The following SV2C variants were observed in gnomAD, a reference collection of about 807,000 sequenced individuals.
SV2C encodes the protein synaptic vesicle glycoprotein 2C, also known as solute carrier family 22 member B3.
A neutral mutation model predicts 79.7 loss-of-function variants in SV2C; 49 were observed. The ratio of observed to expected loss-of-function variants is 0.61; its 90% CI spans 0.49 to 0.78. The LOEUF is 0.78. SV2C is among the 30% of genes least tolerant of loss of function. SV2C has a pLI of 0.00. For missense variants in SV2C, 833 were observed against 912.9 expected, an observed-to-expected ratio of 0.91 and a Z score of 1.13; for synonymous variants, 334 against 333.2, an observed-to-expected ratio of 1.00 and a Z score of -0.03.
chr5:75,958,398 G>A, the SV2C span, among the ~76,000 whole-genome samples: 1 of 151,934 alleles, frequency 6.6e-6, no homozygotes, highest in Non-Finnish European at 1.5e-5. Flanking sequence ...TTCCCTAAAT[G>A]TGGGGGAACC....
At chr5:75,981,333 C>A in the SV2C span, among the ~76,000 whole-genome samples, 1 of 152,178 alleles carries the variant, frequency 6.6e-6, no homozygotes, top group Admixed American at 6.5e-5. Context: ...CATTAAACTA[C>A]CATTGCCATT....
intron 1 of SV2C, among the ~76,000 whole-genome samples, chr5:76,117,551 A>G (rs1748312508): frequency 1.3e-5 from 2 of 152,204 alleles, no homozygotes; most frequent in African/African-American, 4.8e-5. Context: ...GGATACATGC[A>G]CTGAGATTAA....
chr5:76,352,560 T>C (rs139459331), intron 12 of SV2C, among the ~76,000 whole-genome samples: 63 of 152,332 alleles, frequency 4.1e-4, no homozygotes, highest in African/African-American at 1.3e-3. Context: ...CACCATGAAA[T>C]GATGAAGCAA....
At chr5:76,066,655 C>T in the SV2C span, among the ~76,000 whole-genome samples, 1 of 152,072 alleles carries the variant, frequency 6.6e-6, no homozygotes, top group Admixed American at 6.5e-5. Context: ...GTTGTTTCAT[C>T]TTCATATGTT....
the SV2C span, among the ~76,000 whole-genome samples, chr5:76,026,403 A>C: frequency 6.6e-6 from 1 of 152,184 alleles, no homozygotes; most frequent in South Asian, 2.1e-4. Context: ...TGGAAGATCT[A>C]TTAGGGGGAG....
At chr5:76,214,394 A>G (rs1353004522) in intron 4 of SV2C, among the ~76,000 whole-genome samples, 2 of 152,178 alleles carry the variant, frequency 1.3e-5, no homozygotes, top group Admixed American at 1.3e-4. Context: ...TGGTCTACAT[A>G]TCTGTGTTTA....
chr5:76,020,369 T>G, the SV2C span, among the ~76,000 whole-genome samples: 5 of 152,216 alleles, frequency 3.3e-5, no homozygotes, highest in African/African-American at 9.6e-5. Context: ...ATGTTTTCCA[T>G]TCTTCACTTT....
chr5:75,986,114 C>T, the SV2C span, among the ~76,000 whole-genome samples: 1 of 146,090 alleles, frequency 6.8e-6, no homozygotes, highest in South Asian at 2.4e-4. Flanking sequence ...CGGCCTACCA[C>T]AACCGACTTC....
intron 2 of SV2C, among the ~76,000 whole-genome samples, chr5:76,178,625 T>C (rs7719752): frequency 0.69 from 105,190 of 152,134 alleles, 37,510 homozygotes; most frequent in East Asian, 0.97. Flanking sequence ...ATGTTCACAT[T>C]AAAATAATAG....
At chr5:76,255,622 A>T (rs1033766316) in intron 4 of SV2C, among the ~76,000 whole-genome samples, 5 of 151,982 alleles carry the variant, frequency 3.3e-5, no homozygotes, top group Non-Finnish European at 1.5e-5. Flanking sequence ...TCCCTACCAA[A>T]TCCCAGTCCG....
the SV2C span, among the ~76,000 whole-genome samples, chr5:75,997,694 A>C: frequency 6.6e-6 from 1 of 152,116 alleles, no homozygotes; most frequent in African/African-American, 2.4e-5. Flanking sequence ...GGAAACAACA[A>C]GTGCTGGAGA....
At chr5:76,087,334 G>T (rs951440452) in intron 1 of SV2C, among the ~76,000 whole-genome samples, 3 of 152,172 alleles carry the variant, frequency 2.0e-5, no homozygotes, top group African/African-American at 7.2e-5. Context: ...CCCATAGATA[G>T]TATATAATAC....
At chr5:76,292,707 T>C (rs548959222) in intron 8 of SV2C, among the ~76,000 whole-genome samples, 5 of 152,210 alleles carry the variant, frequency 3.3e-5, no homozygotes, top group Non-Finnish European at 7.3e-5. Context: ...ATTCCTGGCA[T>C]GTAATAGCAG....
the SV2C span, among the ~76,000 whole-genome samples, chr5:76,005,802 G>A: frequency 6.6e-6 from 1 of 152,152 alleles, no homozygotes; most frequent in Non-Finnish European, 1.5e-5. Flanking sequence ...CATCATTTCA[G>A]CCCCTGGATC....
the SV2C span, among the ~76,000 whole-genome samples, chr5:76,029,322 A>G: frequency 7.2e-5 from 11 of 152,318 alleles, no homozygotes; most frequent in African/African-American, 2.4e-4. Flanking sequence ...GATCTCTTGA[A>G]TATATTCCTT....
At chr5:75,884,103 CT>C in the SV2C span, among the ~76,000 whole-genome samples, 2 of 152,148 alleles carry the variant, frequency 1.3e-5, no homozygotes, top group Non-Finnish European at 2.9e-5. Flanking sequence ...ATACCCTAGT[CT>C]TGGGAGATTT....
intron 2 of SV2C, among the ~76,000 whole-genome samples, chr5:76,156,894 G>A (rs1217070550): frequency 6.6e-6 from 1 of 152,002 alleles, no homozygotes; most frequent in African/African-American, 2.4e-5. Context: ...AATGAACAGA[G>A]CCTTAGAGAA....
At chr5:75,992,877 C>G in the SV2C span, among the ~76,000 whole-genome samples, 3 of 152,016 alleles carry the variant, frequency 2.0e-5, no homozygotes, top group Non-Finnish European at 2.9e-5. Flanking sequence ...ACAAATCAAA[C>G]TTACTGACAT....
intron 12 of SV2C, among the ~76,000 whole-genome samples, chr5:76,312,265 G>A (rs1275364172): frequency 7.0e-6 from 1 of 142,354 alleles, no homozygotes; most frequent in Non-Finnish European, 1.5e-5. Flanking sequence ...TTTTTTTTTG[G>A]GGGGGGGGAC....
Sources: gnomAD v4.1 joint callset for allele counts (sites outside exome capture counted in the v4.1 genomes callset) on GRCh38, gnomAD v4.1.1 for gene constraint, MANE v1.5 for transcripts, NCBI Gene and HGNC (gene_info 2026-07-23, HGNC 2026-07-21) for gene names.